SDK1: variants seen among roughly 807,000 people sequenced by gnomAD.
SDK1 encodes the protein protein sidekick-1.
SDK1 carries 157 observed loss-of-function variants against 245.5 expected under a neutral mutation model. That is an observed-to-expected ratio of 0.64 (90% CI 0.56 to 0.73). SDK1 has a LOEUF of 0.73. SDK1 is among the 30% of genes least tolerant of loss of function. The pLI is 0.00. For missense variants in SDK1, 3,583 were observed against 3,002.3 expected, an observed-to-expected ratio of 1.19 and a Z score of -4.52; for synonymous variants, 1,647 against 1,278.5, an observed-to-expected ratio of 1.29 and a Z score of -6.15.
At chr7:3,805,840 C>T (rs1286443137) in intron 4 of SDK1, among the ~76,000 whole-genome samples, 1 of 152,108 alleles carries the variant, frequency 6.6e-6, no homozygotes, top group Non-Finnish European at 1.5e-5. Context: ...AAAGAATGAC[C>T]AAATTAATGG....
intron 4 of SDK1, among the ~76,000 whole-genome samples, chr7:3,674,943 C>T (rs554011495): frequency 6.6e-6 from 1 of 152,196 alleles, no homozygotes; most frequent in South Asian, 2.1e-4. Context: ...CTTCCTGACC[C>T]CTGTGGATAG....
chr7:4,266,199 G>A lies in SDK1; in HGVS notation c.*815G>A, dbSNP rs947330899. On this transcript the variant is annotated 3_prime_UTR_variant, in exon 45 of 45. Transcript: ENST00000404826. The stretch of plus-strand genomic sequence containing the variant: ...TCCGCGGGACACGAGGACACGGGAC[G>A]GCGTCTCCAGAATTGCTTGTTACGT... 3.2e-5 allele frequency: 32 copies of A among 985,354 alleles called. No individual in the cohort carries two copies. The highest frequency in any genetic ancestry group is 1.7e-4 in the African/African-American group (10 of 57,246). 61.0% of individuals were successfully genotyped at this position (985,354 alleles called of 1,614,324 possible). A position where few individuals can be genotyped will look rare whatever the true frequency, so the allele number is the denominator to read the frequency against.
intron 2 of SDK1, among the ~76,000 whole-genome samples, chr7:3,632,185 A>G (rs1028962919): frequency 1.3e-5 from 2 of 152,236 alleles, no homozygotes; most frequent in African/African-American, 4.8e-5. Context: ...ATTAATGCTC[A>G]CAGTAGATTT....
chr7:3,437,044 G>A (rs921671737), intron 1 of SDK1, among the ~76,000 whole-genome samples: 1 of 152,150 alleles, frequency 6.6e-6, no homozygotes, highest in Non-Finnish European at 1.5e-5. Flanking sequence ...GTCCAGGAGA[G>A]CCTGGTCTGA....
intron 24 of SDK1, 39 bp from the exon 25 acceptor site, chr7:4,113,998 T>G: frequency 2.8e-5 from 43 of 1,555,982 alleles, no homozygotes; most frequent in Non-Finnish European, 3.6e-5. Context: ...GTGGCAGTTC[T>G]GAGATGTCAG....
At chr7:3,596,324 A>G (rs1395378317) in intron 1 of SDK1, among the ~76,000 whole-genome samples, 1 of 152,226 alleles carries the variant, frequency 6.6e-6, no homozygotes, top group East Asian at 1.9e-4. Context: ...ACAAGAGAGT[A>G]AGTCTGACAG....
intron 4 of SDK1, among the ~76,000 whole-genome samples, chr7:3,713,693 A>T (rs978678013): frequency 6.6e-6 from 1 of 152,246 alleles, no homozygotes; most frequent in Admixed American, 6.5e-5. Flanking sequence ...TTGATCACTG[A>T]TCATAGAACC....
chr7:3,936,867 G>A (rs985955971), intron 5 of SDK1, among the ~76,000 whole-genome samples: 7 of 152,184 alleles, frequency 4.6e-5, no homozygotes, highest in African/African-American at 1.7e-4. Flanking sequence ...GTGGGGACGA[G>A]TTAGGAATGG....
At chr7:3,348,726 C>G (rs1042425517) in intron 1 of SDK1, among the ~76,000 whole-genome samples, 1 of 152,036 alleles carries the variant, frequency 6.6e-6, no homozygotes, top group African/African-American at 2.4e-5. Flanking sequence ...AAAAAGTGAG[C>G]TGTTATTTTT....
intron 1 of SDK1, among the ~76,000 whole-genome samples, chr7:3,318,025 T>A (rs2128545964): frequency 6.6e-6 from 1 of 152,302 alleles, no homozygotes; most frequent in Non-Finnish European, 1.5e-5. Flanking sequence ...TATCACTGTT[T>A]CCAGTTTCAT....
At chr7:3,590,727 A>G (rs1464420248) in intron 1 of SDK1, among the ~76,000 whole-genome samples, 2 of 151,232 alleles carry the variant, frequency 1.3e-5, no homozygotes, top group African/African-American at 2.4e-5. Flanking sequence ...ACAGAGCCTC[A>G]CTGCTGGACC....
intron 25 of SDK1, among the ~76,000 whole-genome samples, chr7:4,125,478 G>A (rs1045302285): frequency 1.3e-5 from 2 of 148,954 alleles, no homozygotes; most frequent in Non-Finnish European, 3.0e-5. Context: ...TGGATCACTG[G>A]ATGGATTGAT....
chr7:3,403,824 CATATATATAT>C (rs10650660), intron 1 of SDK1, among the ~76,000 whole-genome samples: 960 of 60,618 alleles, frequency 0.016, 8 homozygotes, highest in Middle Eastern at 0.021. Context: ...AAATATCTTA[CATATATATAT>C]ATATATATAT....
intron 27 of SDK1, among the ~76,000 whole-genome samples, chr7:4,131,385 G>A (rs913793125): frequency 3.3e-5 from 5 of 152,218 alleles, no homozygotes; most frequent in African/African-American, 9.6e-5. Flanking sequence ...GCGTATCTGT[G>A]ACTTAGTCCT....
chr7:3,601,148 G>A (rs886518432), intron 1 of SDK1, among the ~76,000 whole-genome samples: 4 of 151,992 alleles, frequency 2.6e-5, no homozygotes, highest in Non-Finnish European at 5.9e-5. Context: ...AGATTTTTGG[G>A]TCTAAGTTTA....
chr7:3,405,177 C>G (rs565265458), intron 1 of SDK1, among the ~76,000 whole-genome samples: 2 of 139,032 alleles, frequency 1.4e-5, no homozygotes, highest in Middle Eastern at 3.4e-3. Context: ...AAAACAAAAA[C>G]AAAAACAAAA....
chr7:4,250,195 C>T (rs116844408), intron 44 of SDK1, among the ~76,000 whole-genome samples: 3,992 of 152,254 alleles, frequency 0.026, 90 homozygotes, highest in South Asian at 0.1. Context: ...ATGATTGCAA[C>T]GCATTTGAAC....
chr7:3,622,559 A>G (rs901647882), intron 2 of SDK1, among the ~76,000 whole-genome samples: 3 of 152,198 alleles, frequency 2.0e-5, no homozygotes, highest in African/African-American at 7.2e-5. Context: ...TATATATGCA[A>G]CCTTTCAGAA....
chr7:3,465,698 G>A (rs1359032151), intron 1 of SDK1, among the ~76,000 whole-genome samples: 2 of 152,144 alleles, frequency 1.3e-5, no homozygotes, highest in Non-Finnish European at 2.9e-5. Flanking sequence ...CTCCGTATAT[G>A]ATCATTCAGG....
Sources: gnomAD v4.1 joint callset for allele counts (sites outside exome capture counted in the v4.1 genomes callset) on GRCh38, gnomAD v4.1.1 for gene constraint, MANE v1.5 for transcripts, NCBI Gene and HGNC (gene_info 2026-07-23, HGNC 2026-07-21) for gene names.